The following RGS7 variants were observed in gnomAD, a reference collection of about 807,000 sequenced individuals.
RGS7 encodes regulator of G-protein signaling 7.
In RGS7, 27 loss-of-function variants were observed where a neutral mutation model predicts 81.1. The observed-to-expected ratio is 0.33, with a 90% CI of 0.25 to 0.46. RGS7 has a LOEUF of 0.46. Ranked by LOEUF, RGS7 falls within the 20% of genes least tolerant of loss-of-function variation. The pLI, the probability that RGS7 is intolerant of heterozygous loss-of-function variation, is 1.00. For synonymous variants in RGS7, 208 were observed against 207.7 expected, an observed-to-expected ratio of 1.00 and a Z score of -0.01; for missense variants, 396 against 607.4, an observed-to-expected ratio of 0.65 and a Z score of 3.66.
At chr1:241,223,641 C>T (rs943761342) in intron 2 of RGS7, among the ~76,000 whole-genome samples, 4 of 150,784 alleles carry the variant, frequency 2.7e-5, no homozygotes, top group Non-Finnish European at 5.9e-5. Context: ...AAGTTTGTCA[C>T]GTGAAAGAGG....
At chr1:240,813,870 C>T (rs1690322144) in intron 12 of RGS7, 142 bp from the exon 13 acceptor site, 1 of 666,938 alleles carries the variant, frequency 1.5e-6, no homozygotes, top group African/African-American at 1.8e-5. Context: ...AATCTTCACG[C>T]TTCAGTAACT....
In RGS7 at chr1:241,274,246, G is replaced by A. The variant is rs533594483; in HGVS notation, c.78+81453C>T. 5.3e-5 allele frequency among the ~76,000 whole-genome samples: 8 copies of A among 152,266 alleles called. No homozygotes were observed. In the East Asian group the frequency reaches 1.5e-3, roughly 29 times the overall value. ...TGTCATCTTTATATTTTCAGCATTT[G>A]TACTGGTACTAGTACTTGGTAGTCA... On this transcript the variant is annotated intron_variant, in intron 2 of 18. Coordinates refer to ENST00000440928, the MANE Select transcript of RGS7 (RefSeq NM_001364886.1).
chr1:241,059,280 T>A (rs1181722965), intron 3 of RGS7, among the ~76,000 whole-genome samples: 1 of 152,214 alleles, frequency 6.6e-6, no homozygotes, highest in Non-Finnish European at 1.5e-5. Context: ...ATGCTAAGGA[T>A]TTTTGAATCT....
At chr1:241,349,271 T>C (rs2083090108) in intron 2 of RGS7, among the ~76,000 whole-genome samples, 1 of 152,224 alleles carries the variant, frequency 6.6e-6, no homozygotes, top group African/African-American at 2.4e-5. Flanking sequence ...CTAGTGCACA[T>C]GCTTCCTCCA....
chr1:241,179,712 G>A (rs1353866087), intron 2 of RGS7, among the ~76,000 whole-genome samples: 3 of 152,126 alleles, frequency 2.0e-5, no homozygotes, highest in Non-Finnish European at 4.4e-5. Context: ...AAGCCTATTA[G>A]TCCAATTCTC....
At chr1:241,101,658 C>T (rs2064752130) in intron 2 of RGS7, among the ~76,000 whole-genome samples, 1 of 152,076 alleles carries the variant, frequency 6.6e-6, no homozygotes, top group African/African-American at 2.4e-5. Context: ...AATAGACATA[C>T]TCTGATGACT....
intron 2 of RGS7, among the ~76,000 whole-genome samples, chr1:241,126,808 G>T (rs2066693429): frequency 1.7e-5 from 2 of 120,578 alleles, no homozygotes; most frequent in African/African-American, 8.7e-5. Flanking sequence ...ACCTTAAGTT[G>T]ATTTTTTTTT....
At chr1:241,307,140 G>T (rs1386350613) in intron 2 of RGS7, among the ~76,000 whole-genome samples, 1 of 152,082 alleles carries the variant, frequency 6.6e-6, no homozygotes, top group African/African-American at 2.4e-5. Context: ...AAATGCTCTT[G>T]TTCCCGCCCA....
At chr1:240,954,913 G>A (rs1680120166) in intron 4 of RGS7, among the ~76,000 whole-genome samples, 2 of 152,106 alleles carry the variant, frequency 1.3e-5, no homozygotes. Flanking sequence ...TAGGATACAA[G>A]CTCCATAAAT....
chr1:240,862,187 G>A (rs1197492401), intron 9 of RGS7, among the ~76,000 whole-genome samples: 1 of 151,804 alleles, frequency 6.6e-6, no homozygotes, highest in African/African-American at 2.4e-5. Flanking sequence ...TACTTAGGAG[G>A]CTAACTTTAT....
At chr1:240,874,443 ATTACAT>A (rs903439060) in intron 6 of RGS7, among the ~76,000 whole-genome samples, 1 of 152,060 alleles carries the variant, frequency 6.6e-6, no homozygotes, top group African/African-American at 2.4e-5. Flanking sequence ...TGACATTTTT[ATTACAT>A]TTTTCATTGG....
intron 18 of RGS7, among the ~76,000 whole-genome samples, chr1:240,783,429 A>G (rs1038064158): frequency 6.6e-6 from 1 of 151,346 alleles, no homozygotes; most frequent in Admixed American, 6.6e-5. Context: ...TGAGACCAGC[A>G]CGGCCAACAT....
chr1:241,038,696 A>G (rs2060452021), intron 3 of RGS7, among the ~76,000 whole-genome samples: 1 of 152,208 alleles, frequency 6.6e-6, no homozygotes, highest in South Asian at 2.1e-4. Context: ...GAAGTGGGCA[A>G]TGAACGTAGG....
intron 6 of RGS7, among the ~76,000 whole-genome samples, chr1:240,925,845 T>C (rs1395074451): frequency 3.9e-5 from 6 of 152,228 alleles, no homozygotes; most frequent in African/African-American, 1.2e-4. Flanking sequence ...CGTATATCAT[T>C]GTGGCTTTGA....
chr1:241,213,064 C>T (rs1354767445), intron 2 of RGS7, among the ~76,000 whole-genome samples: 1 of 152,186 alleles, frequency 6.6e-6, no homozygotes, highest in Non-Finnish European at 1.5e-5. Flanking sequence ...AACCTTCAGA[C>T]AAACGCAGTG....
chr1:240,922,373 G>A (rs1022386138), intron 6 of RGS7, among the ~76,000 whole-genome samples: 2 of 151,848 alleles, frequency 1.3e-5, no homozygotes. Flanking sequence ...ATTGTAAGTT[G>A]GAATTTATTA....
chr1:241,038,516 T>A (rs1259093909), intron 3 of RGS7, among the ~76,000 whole-genome samples: 1 of 152,190 alleles, frequency 6.6e-6, no homozygotes, highest in African/African-American at 2.4e-5. Context: ...ATAGAAAGTT[T>A]GGGTATAATT....
chr1:240,903,905 C>T (rs1271232973), intron 6 of RGS7, among the ~76,000 whole-genome samples: 3 of 152,218 alleles, frequency 2.0e-5, no homozygotes, highest in African/African-American at 7.2e-5. Flanking sequence ...TGAGAGGAAG[C>T]AGCCTGAGGG....
intron 4 of RGS7, among the ~76,000 whole-genome samples, chr1:240,974,032 C>G (rs1683689841): frequency 6.6e-6 from 1 of 152,162 alleles, no homozygotes; most frequent in South Asian, 2.1e-4. Flanking sequence ...CTTTCTTCTT[C>G]AGAAGACTTG....
Sources: allele counts gnomAD v4.1 joint callset (sites outside exome capture counted in the v4.1 genomes callset), GRCh38; gene constraint gnomAD v4.1.1; transcripts MANE v1.5; gene names NCBI Gene and HGNC (gene_info 2026-07-23, HGNC 2026-07-21).